Variants in GABRB3 observed in about 807,000 individuals in gnomAD.
The protein encoded by GABRB3 is gamma-aminobutyric acid receptor subunit beta-3.
A neutral mutation model predicts 52.1 loss-of-function variants in GABRB3; 14 were observed. The observed-to-expected ratio is 0.27, with a 90% CI of 0.18 to 0.42. The LOEUF (loss-of-function observed/expected upper bound fraction) is 0.42. Among genes scored for constraint, GABRB3 ranks in the 10% least tolerant of loss-of-function variants. The pLI, the probability that GABRB3 is intolerant of heterozygous loss-of-function variation, is 1.00. For synonymous variants in GABRB3, 260 were observed against 232.3 expected (o/e 1.12, Z -1.08); for missense variants, 307 against 609.1 (o/e 0.50, Z 5.22).
At chr15:26,646,314 A>G (rs1887004258) in intron 3 of GABRB3, among the ~76,000 whole-genome samples, 1 of 152,112 alleles carries the variant, frequency 6.6e-6, no homozygotes, top group African/African-American at 2.4e-5. Context: ...ATCATATACT[A>G]CGTGGTATTT....
At chr15:26,587,002 A>G (rs1370066195) in intron 4 of GABRB3, among the ~76,000 whole-genome samples, 2 of 152,212 alleles carry the variant, frequency 1.3e-5, no homozygotes, top group East Asian at 3.9e-4. Context: ...AGTTAGCAGT[A>G]GAGTATTGTA....
At chr15:26,708,425 G>A (rs936722867) in intron 3 of GABRB3, among the ~76,000 whole-genome samples, 4 of 152,160 alleles carry the variant, frequency 2.6e-5, no homozygotes, top group African/African-American at 9.7e-5. Flanking sequence ...CCAGGTGCAG[G>A]CACTGTACTA....
chr15:26,713,431 G>A (rs1341380283), intron 3 of GABRB3, among the ~76,000 whole-genome samples: 1 of 152,110 alleles, frequency 6.6e-6, no homozygotes, highest in Non-Finnish European at 1.5e-5. Flanking sequence ...CAGCAACACT[G>A]GCAGCTCAGT....
At chr15:26,552,380 T>C (rs1889506759) in intron 8 of GABRB3, among the ~76,000 whole-genome samples, 1 of 152,216 alleles carries the variant, frequency 6.6e-6, no homozygotes, top group East Asian at 1.9e-4. Context: ...AATGACAAAG[T>C]GTGTCTGCAT....
At chr15:26,764,851 C>A (rs2140188940) in intron 3 of GABRB3, among the ~76,000 whole-genome samples, 1 of 152,250 alleles carries the variant, frequency 6.6e-6, no homozygotes, top group African/African-American at 2.4e-5. Context: ...AATGTCAAGG[C>A]CAGGCACGGT....
chr15:26,772,800 G>T (rs751139880), intron 1 of GABRB3, 28 bp from the exon 2 acceptor site: 96 of 1,527,240 alleles, frequency 6.3e-5, no homozygotes, highest in Non-Finnish European at 8.0e-5. Context: ...AGCACAAAGA[G>T]CGGGGTCAGG....
At chr15:26,553,006 T>C (rs957613488) in intron 8 of GABRB3, among the ~76,000 whole-genome samples, 2 of 152,226 alleles carry the variant, frequency 1.3e-5, no homozygotes, top group African/African-American at 4.8e-5. Context: ...ATTGAGGTCA[T>C]TTATCAAATA....
chr15:26,732,733 G>A (rs890245673), intron 3 of GABRB3, among the ~76,000 whole-genome samples: 1 of 152,152 alleles, frequency 6.6e-6, no homozygotes, highest in African/African-American at 2.4e-5. Flanking sequence ...GTGGCCAGCT[G>A]TAATCCCAGG....
intron 6 of GABRB3, among the ~76,000 whole-genome samples, chr15:26,568,210 G>A (rs1225544051): frequency 6.6e-6 from 1 of 152,120 alleles, no homozygotes; most frequent in Non-Finnish European, 1.5e-5. Context: ...TAGCTCAGGG[G>A]CACCCTAAGA....
chr15:26,616,101 C>T (rs570501422), intron 4 of GABRB3: 1 of 1,285,430 alleles, frequency 7.8e-7, no homozygotes, highest in South Asian at 1.2e-5. Context: ...GGGTTACACA[C>T]ACTGGCCCAC....
chr15:26,615,958 A>G (rs974091027), intron 4 of GABRB3: 36 of 1,288,990 alleles, frequency 2.8e-5, no homozygotes, highest in Non-Finnish European at 3.4e-5. Context: ...ACAAGCAGGA[A>G]CAGCAGGAAC....
intron 3 of GABRB3, among the ~76,000 whole-genome samples, chr15:26,641,062 G>A (rs562216129): frequency 4.2e-4 from 64 of 152,242 alleles, no homozygotes; most frequent in African/African-American, 1.2e-3. Context: ...GCTATGCCCT[G>A]GCTCAAAATC....
intron 3 of GABRB3, among the ~76,000 whole-genome samples, chr15:26,729,422 C>T (rs1396431298): frequency 6.6e-6 from 1 of 152,106 alleles, no homozygotes; most frequent in East Asian, 1.9e-4. Context: ...TTTACTGATC[C>T]AGCCACTGAC....
intron 3 of GABRB3, among the ~76,000 whole-genome samples, chr15:26,723,370 G>A (rs2140143031): frequency 6.6e-6 from 1 of 152,246 alleles, no homozygotes; most frequent in African/African-American, 2.4e-5. Flanking sequence ...TGATAAGTGT[G>A]GAACTATCTT....
At chr15:26,610,899 A>C (rs957987444) in intron 4 of GABRB3, among the ~76,000 whole-genome samples, 2 of 152,206 alleles carry the variant, frequency 1.3e-5, no homozygotes, top group African/African-American at 4.8e-5. Context: ...AGATATTTTG[A>C]GGTGTCAGGA....
At chr15:26,616,954 G>GT (rs1892277720) in intron 4 of GABRB3, among the ~76,000 whole-genome samples, 1 of 144,242 alleles carries the variant, frequency 6.9e-6, no homozygotes, top group Non-Finnish European at 1.5e-5. Flanking sequence ...CTCTACTTCT[G>GT]TTAAAAAAAA....
chr15:26,550,614 A>G (rs1192698380), intron 8 of GABRB3, among the ~76,000 whole-genome samples: 1 of 152,224 alleles, frequency 6.6e-6, no homozygotes, highest in African/African-American at 2.4e-5. Context: ...CAGAACTACC[A>G]TAAGATCCAG....
chr15:26,675,716 A>G (rs1888047741), intron 3 of GABRB3, among the ~76,000 whole-genome samples: 1 of 152,086 alleles, frequency 6.6e-6, no homozygotes, highest in South Asian at 2.1e-4. Flanking sequence ...AGGTCAGTCA[A>G]TAGCAAAATT....
intron 3 of GABRB3, among the ~76,000 whole-genome samples, chr15:26,735,106 G>C (rs1313946825): frequency 6.6e-6 from 1 of 152,076 alleles, no homozygotes; most frequent in African/African-American, 2.4e-5. Context: ...TTCCAAAGAA[G>C]ATACACAAAT....
Sources: allele counts gnomAD v4.1 joint callset (sites outside exome capture counted in the v4.1 genomes callset), GRCh38; gene constraint gnomAD v4.1.1; transcripts MANE v1.5; gene names NCBI Gene and HGNC (gene_info 2026-07-23, HGNC 2026-07-21).